CHRNA7: variants seen among roughly 807,000 people sequenced by gnomAD.
The protein encoded by CHRNA7 is cholinergic receptor nicotinic alpha 7 subunit, also known as neuronal acetylcholine receptor subunit alpha-7.
In CHRNA7, 17 loss-of-function variants were observed where a neutral mutation model predicts 48.0. The ratio of observed to expected loss-of-function variants is 0.35; its 90% CI spans 0.24 to 0.53. The LOEUF (loss-of-function observed/expected upper bound fraction) is 0.53, where lower values mean the gene tolerates loss of function less well. Among genes scored for constraint, CHRNA7 ranks in the 20% least tolerant of loss-of-function variants. The pLI is 0.92. For missense variants in CHRNA7, 155 were observed against 577.7 expected (o/e 0.27, Z 7.50); for synonymous variants, 75 against 242.3 (o/e 0.31, Z 6.41).
intron 4 of CHRNA7, among the ~76,000 whole-genome samples, chr15:32,122,156 T>C (rs2050982496): frequency 6.6e-6 from 1 of 152,158 alleles, no homozygotes; most frequent in South Asian, 2.1e-4. Flanking sequence ...AAGTAGCACA[T>C]GGCAAGCAGC....
chr15:32,077,193 A>G (rs186420021), intron 2 of CHRNA7, among the ~76,000 whole-genome samples: 2 of 151,894 alleles, frequency 1.3e-5, no homozygotes, highest in East Asian at 3.9e-4. Flanking sequence ...TTACCCATTT[A>G]CCTACTGAAT....
intron 2 of CHRNA7, among the ~76,000 whole-genome samples, chr15:32,038,936 G>T (rs566971628): frequency 3.3e-4 from 51 of 152,264 alleles, no homozygotes; most frequent in African/African-American, 1.2e-3. Context: ...TGATTCAATT[G>T]CTCTGATAGA....
At chr15:32,035,670 A>G (rs1023817573) in intron 2 of CHRNA7, among the ~76,000 whole-genome samples, 1 of 152,224 alleles carries the variant, frequency 6.6e-6, no homozygotes, top group Non-Finnish European at 1.5e-5. Flanking sequence ...ACTATTTAAA[A>G]TGCTACAACT....
In CHRNA7 at chr15:32,135,540, A is replaced by G. The variant is rs1355788475; in HGVS notation, c.351-18367A>G. Among the ~76,000 whole-genome samples, 14 of 152,350 alleles carry G rather than the reference A, an allele frequency of 9.2e-5. No individual in the cohort carries two copies. The East Asian group carries it at 2.7e-3, about 29-fold the overall frequency. ...TATCAGCTGCTTACGGTCCGCGCAC[A>G]GTGGCAAAGCAGCTCAGACAGTGAA... is the stretch of plus-strand genomic sequence containing the variant. On this transcript the variant is annotated intron_variant, in intron 4 of 9. Transcript: ENST00000306901.
At chr15:32,150,917 C>G (rs1251380350) in intron 4 of CHRNA7, among the ~76,000 whole-genome samples, 2 of 152,022 alleles carry the variant, frequency 1.3e-5, no homozygotes, top group South Asian at 4.2e-4. Flanking sequence ...ACCTCCTCCT[C>G]TCTCTTTCCC....
chr15:32,122,818 T>C (rs1318015612), intron 4 of CHRNA7, among the ~76,000 whole-genome samples: 1 of 151,484 alleles, frequency 6.6e-6, no homozygotes, highest in Non-Finnish European at 1.5e-5. Context: ...AAGAGACATA[T>C]GTCTTGAATA....
chr15:32,083,625 A>G (rs951863777), intron 2 of CHRNA7, among the ~76,000 whole-genome samples: 2 of 152,212 alleles, frequency 1.3e-5, no homozygotes, highest in Admixed American at 6.5e-5. Context: ...TAACTATTAT[A>G]TAGATTCAAA....
Position 32,088,080 on chromosome 15 carries a change from C to T in CHRNA7, c.196-13223C>T, listed in dbSNP as rs2050327242. Among the ~76,000 whole-genome samples, 3 of 152,204 alleles carry T rather than the reference C, an allele frequency of 2.0e-5. No individual in the cohort carries two copies. In the South Asian group the frequency reaches 6.2e-4, roughly 31 times the overall value. On this transcript the variant is annotated intron_variant, in intron 2 of 9. Coordinates refer to ENST00000306901, the MANE Select transcript of CHRNA7 (RefSeq NM_000746.6). ...CAGAATTCTCTGCCCTAGAAGTACTCTGTGCTCCATTTGTCTACTCCTAAC... is the reference window on the plus strand; with the variant it reads ...CAGAATTCTCTGCCCTAGAAGTACTTTGTGCTCCATTTGTCTACTCCTAAC...
chr15:32,072,007 A>G (rs1174559270), intron 2 of CHRNA7, among the ~76,000 whole-genome samples: 4 of 152,184 alleles, frequency 2.6e-5, no homozygotes, highest in Admixed American at 6.5e-5. Context: ...CTTAGAAGAC[A>G]GGAAGATTAG....
In CHRNA7 at chr15:32,059,944, C is replaced by CAAAAAAA. The variant is rs34200550; in HGVS notation, c.195+28931_195+28937dup. Among the ~76,000 whole-genome samples the CAAAAAAA allele has an allele frequency of 3.0e-4, 10 of 33,052 alleles. 1 individual carries two copies. Among genetic ancestry groups the CAAAAAAA allele is most frequent in the South Asian group, 5.2e-3 (2 of 384 alleles). 21.7% of individuals were successfully genotyped at this position (33,052 alleles called of 152,430 possible). A position where few individuals can be genotyped will look rare whatever the true frequency, so the allele number is the denominator to read the frequency against. The stretch of plus-strand genomic sequence containing the variant: ...ATCTCTGAAACGCCAAGTAGAAAAG[C>CAAAAAAA]AAAAAAAAAAAAAAAAAAAAAAAAA... On this transcript the variant is annotated intron_variant, in intron 2 of 9. Coordinates refer to ENST00000306901, the MANE Select transcript of CHRNA7 (RefSeq NM_000746.6).
At chr15:32,051,676 G>T (rs1234266655) in intron 2 of CHRNA7, among the ~76,000 whole-genome samples, 1 of 152,184 alleles carries the variant, frequency 6.6e-6, no homozygotes, top group African/African-American at 2.4e-5. Context: ...CCCACTGTCT[G>T]GCACTCCCTA....
chr15:32,107,798 G>A (rs1330146191), intron 3 of CHRNA7, among the ~76,000 whole-genome samples: 1 of 152,082 alleles, frequency 6.6e-6, no homozygotes, highest in Non-Finnish European at 1.5e-5. Context: ...AGCTGTGAGT[G>A]CAATGGGCAG....
chr15:32,092,028 TG>T (rs2050391738), intron 2 of CHRNA7, among the ~76,000 whole-genome samples: 1 of 152,234 alleles, frequency 6.6e-6, no homozygotes, highest in African/African-American at 2.4e-5. Context: ...TTCTCTGTGT[TG>T]TAGTCACCAT....
chr15:32,108,363 G>T (rs1030895617), intron 3 of CHRNA7, among the ~76,000 whole-genome samples: 14 of 152,318 alleles, frequency 9.2e-5, no homozygotes, highest in African/African-American at 3.1e-4. Flanking sequence ...AAATGTGATT[G>T]TCTGGGAGTC....
intron 2 of CHRNA7, among the ~76,000 whole-genome samples, chr15:32,069,868 G>A (rs1336848657): frequency 6.6e-6 from 1 of 151,900 alleles, no homozygotes; most frequent in Non-Finnish European, 1.5e-5. Flanking sequence ...AGCAAACATA[G>A]ATTTTGAAAA....
intron 2 of CHRNA7, among the ~76,000 whole-genome samples, chr15:32,048,311 T>C (rs2049593446): frequency 6.6e-6 from 1 of 152,222 alleles, no homozygotes; most frequent in African/African-American, 2.4e-5. Context: ...GGACTCTTTC[T>C]GGTTGGTAAG....
At chr15:32,125,981 A>C (rs1330919526) in intron 4 of CHRNA7, among the ~76,000 whole-genome samples, 1 of 151,456 alleles carries the variant, frequency 6.6e-6, no homozygotes, top group Non-Finnish European at 1.5e-5. Context: ...TGAATGATGA[A>C]TAGTGCTCTC....
chr15:32,107,264 C>G (rs984229248), intron 3 of CHRNA7, among the ~76,000 whole-genome samples: 4 of 152,126 alleles, frequency 2.6e-5, no homozygotes, highest in Non-Finnish European at 5.9e-5. Flanking sequence ...GGCTCAGTCT[C>G]ACTTCAGATA....
chr15:32,057,924 A>G (rs762169484), intron 2 of CHRNA7, among the ~76,000 whole-genome samples: 4 of 152,234 alleles, frequency 2.6e-5, no homozygotes, highest in Non-Finnish European at 5.9e-5. Context: ...AATTTCAGAC[A>G]GCCTGTAATG....
Sources: allele counts gnomAD v4.1 joint callset (sites outside exome capture counted in the v4.1 genomes callset), GRCh38; gene constraint gnomAD v4.1.1; transcripts MANE v1.5; gene names NCBI Gene and HGNC (gene_info 2026-07-23, HGNC 2026-07-21).